EDNRB: variants seen among roughly 807,000 people sequenced by gnomAD.
EDNRB encodes endothelin receptor type B, also known as Hirschsprung disease 2.
Under a neutral mutation model 46.4 loss-of-function variants are expected in EDNRB, and 18 were observed. That is an observed-to-expected ratio of 0.39 (90% CI 0.27 to 0.57). The LOEUF (loss-of-function observed/expected upper bound fraction) is 0.57, where lower values mean the gene tolerates loss of function less well. Ranked by LOEUF, EDNRB falls within the 20% of genes least tolerant of loss-of-function variation. The pLI is 0.61. For missense variants in EDNRB, 434 were observed against 537.5 expected, an observed-to-expected ratio of 0.81 and a Z score of 1.90; for synonymous variants, 213 against 204.9, an observed-to-expected ratio of 1.04 and a Z score of -0.34.
chr13:77,916,010 A>C (rs1296351758), intron 1 of EDNRB, among the ~76,000 whole-genome samples: 1 of 152,214 alleles, frequency 6.6e-6, no homozygotes. Context: ...AGAGGAAATA[A>C]GATGGTTCTG....
Position 77,896,654 on chromosome 13 carries a change from T to C in EDNRB, c.*1546A>G, listed in dbSNP as rs3027094. 4.2e-3 allele frequency: 6,329 copies of C among 1,489,870 alleles called. 150 individuals carry two copies. The African/African-American group carries it at 0.059, about 14-fold the overall frequency. 92.3% of individuals were successfully genotyped at this position (1,489,870 alleles called of 1,614,324 possible). A position where few individuals can be genotyped will look rare whatever the true frequency, so the allele number is the denominator to read the frequency against. Reference sequence around the variant, plus strand: ...TATTTCGAAAGTCACTCTGAGAACATTGCACTGTGTTTTGCTGGAACAAAA... The same window carrying C: ...TATTTCGAAAGTCACTCTGAGAACACTGCACTGTGTTTTGCTGGAACAAAA... On this transcript the variant is annotated 3_prime_UTR_variant, in exon 7 of 7. Coordinates refer to ENST00000646607, the MANE Select transcript of EDNRB (RefSeq NM_001122659.3).
chr13:77,909,994 CCTCTCCCACCCTCT>C (rs1594366906), intron 1 of EDNRB, among the ~76,000 whole-genome samples: 1 of 151,970 alleles, frequency 6.6e-6, no homozygotes, highest in East Asian at 1.9e-4. Flanking sequence ...GACAAAAATT[CCTCTCCCACCCTCT>C]CTCTCCTACT....
chr13:77,924,238 A>G (rs1566320814), upstream of EDNRB, among the ~76,000 whole-genome samples: 1 of 152,364 alleles, frequency 6.6e-6, no homozygotes, highest in South Asian at 2.1e-4. Flanking sequence ...ATGCATGTAT[A>G]GCAAATTGCT....
chr13:77,912,266 C>T (rs3027129), intron 1 of EDNRB, among the ~76,000 whole-genome samples: 7,766 of 152,138 alleles, frequency 0.051, 287 homozygotes, highest in Non-Finnish European at 0.08. Context: ...CTTGGATTTA[C>T]GGAGTGACCA....
At chr13:77,973,851 T>G (rs2137698680) in intron 1 of EDNRB, among the ~76,000 whole-genome samples, 1 of 152,200 alleles carries the variant, frequency 6.6e-6, no homozygotes, top group South Asian at 2.1e-4. Context: ...AAATATTTCT[T>G]TCTTTAAACA....
intron 1 of EDNRB, among the ~76,000 whole-genome samples, chr13:77,974,356 G>T (rs2137699254): frequency 6.6e-6 from 1 of 152,232 alleles, no homozygotes; most frequent in Admixed American, 6.5e-5. Context: ...TGCTGCTACA[G>T]ATTGAATGCA....
intron 1 of EDNRB, among the ~76,000 whole-genome samples, chr13:77,951,199 G>A (rs898364961): frequency 6.6e-6 from 1 of 152,180 alleles, no homozygotes; most frequent in African/African-American, 2.4e-5. Context: ...TAGCAGTAGG[G>A]TGGATTGGAT....
intron 1 of EDNRB, among the ~76,000 whole-genome samples, chr13:77,915,217 T>G (rs1440454168): frequency 6.6e-6 from 1 of 152,180 alleles, no homozygotes; most frequent in African/African-American, 2.4e-5. Flanking sequence ...GGTCCTGGAT[T>G]TGATATTTTG....
chr13:77,905,279 A>G (rs1359986751), intron 1 of EDNRB, among the ~76,000 whole-genome samples: 1 of 151,900 alleles, frequency 6.6e-6, no homozygotes, highest in Non-Finnish European at 1.5e-5. Context: ...TCCAAATACA[A>G]AAATCTCTTG....
upstream of EDNRB, chr13:77,919,839 C>G (rs12720156): frequency 1.9e-3 from 1,002 of 526,720 alleles, 7 homozygotes; most frequent in African/African-American, 0.017. Context: ...ATGTGACACC[C>G]GGCAGCTCCA....
chr13:77,942,769 GA>G (rs1342933534), intron 1 of EDNRB, among the ~76,000 whole-genome samples: 2 of 123,474 alleles, frequency 1.6e-5, no homozygotes, highest in African/African-American at 5.4e-5. Context: ...TCAAATCAAT[GA>G]AAAAAATGAA....
chr13:77,929,447 T>C (rs1880325863), intron 1 of EDNRB, among the ~76,000 whole-genome samples: 1 of 152,188 alleles, frequency 6.6e-6, no homozygotes, highest in Non-Finnish European at 1.5e-5. Context: ...CCTCTTTAGG[T>C]GGCCTTTATT....
At chr13:77,960,894 C>T (rs1266170946) in intron 1 of EDNRB, among the ~76,000 whole-genome samples, 2 of 149,142 alleles carry the variant, frequency 1.3e-5, no homozygotes, top group Non-Finnish European at 3.0e-5. Context: ...AGTTGCAATC[C>T]TAGTCTCTGA....
upstream of EDNRB, chr13:77,919,651 C>G: frequency 6.4e-7 from 1 of 1,551,828 alleles, no homozygotes; most frequent in African/African-American, 1.4e-5. Flanking sequence ...AGACTCCTCC[C>G]GCGCCTTCCG....
At chr13:77,929,069 G>A (rs1880315866) in intron 1 of EDNRB, among the ~76,000 whole-genome samples, 1 of 152,154 alleles carries the variant, frequency 6.6e-6, no homozygotes, top group African/African-American at 2.4e-5. Flanking sequence ...AGGTCAAAAG[G>A]TTAGTGATTC....
chr13:77,918,700 C>G lies in EDNRB; in HGVS notation c.-127G>C, dbSNP rs1168207713. ...GCCAAGTCGCTGCAAACGCTAATAC[C>G]GCCCGCAGCCTCTTCGCCAGTATCC... On this transcript the variant is annotated 5_prime_UTR_variant, in exon 1 of 7. Transcript: ENST00000646607. The surrounding 1 kb of genome is among the most constrained non-coding windows in gnomAD (Gnocchi z 4.5). The G allele has an allele frequency of 7.3e-7, 1 of 1,379,176 alleles. No individual in the cohort carries two copies. Among genetic ancestry groups the G allele is most frequent in the East Asian group, 2.7e-5 (1 of 36,906 alleles). The allele number at this position is 1,379,176 out of a possible 1,614,324, so 85.4% of individuals were successfully genotyped here.
chr13:77,965,795 GT>G (rs1270423982), intron 1 of EDNRB, among the ~76,000 whole-genome samples: 1 of 152,080 alleles, frequency 6.6e-6, no homozygotes, highest in Non-Finnish European at 1.5e-5. Context: ...TTGAAAAGGG[GT>G]TCTTAAAATG....
chr13:77,918,918 C>G, upstream of EDNRB: 1 of 1,209,380 alleles, frequency 8.3e-7, no homozygotes, highest in Non-Finnish European at 1.0e-6. The surrounding 1 kb of genome is among the most constrained non-coding windows in gnomAD (Gnocchi z 4.5). Context: ...GATGGGGGTC[C>G]CAGGCAAAGC....
intron 1 of EDNRB, among the ~76,000 whole-genome samples, chr13:77,927,380 G>A (rs907853476): frequency 1.3e-5 from 2 of 152,148 alleles, no homozygotes; most frequent in Non-Finnish European, 2.9e-5. Context: ...TATAAGAAGA[G>A]TACAAGTTGA....
Sources: allele counts gnomAD v4.1 joint callset (sites outside exome capture counted in the v4.1 genomes callset), GRCh38; gene constraint gnomAD v4.1.1; non-coding constraint Gnocchi (gnomAD v3.1); transcripts MANE v1.5; gene names NCBI Gene and HGNC (gene_info 2026-07-23, HGNC 2026-07-21).